PCDHAC2: variants seen among roughly 807,000 people sequenced by gnomAD.
The protein encoded by PCDHAC2 is protocadherin alpha subfamily C, 2.
A neutral mutation model predicts 63.3 loss-of-function variants in PCDHAC2; 24 were observed. The ratio of observed to expected loss-of-function variants is 0.38; its 90% confidence interval spans 0.27 to 0.53. PCDHAC2 has a LOEUF of 0.53. Ranked by LOEUF, PCDHAC2 falls within the 20% of genes least tolerant of loss-of-function variation. The probability of loss-of-function intolerance (pLI) is 0.81; values close to 1 mark genes in which losing one functional copy is unlikely to be tolerated. For missense variants in PCDHAC2, 1,181 were observed against 1,275.2 expected (o/e 0.93, Z 1.12); for synonymous variants, 569 against 529.4 (o/e 1.07, Z -1.03).
rs1305231081 is a variant in PCDHAC2 at position 141,010,857 on chromosome 5, G to A, written c.*920G>A. The A allele has an allele frequency of 6.5e-6, 1 of 153,732 alleles. No homozygotes were observed. The highest frequency in any genetic ancestry group is 2.4e-5 in the African/African-American group (1 of 41,448). 9.5% of individuals were successfully genotyped at this position (153,732 alleles called of 1,614,324 possible). ...ATAGATTTATTTAAAAAAAGAGAAAGTCTATAGCTATAAATCTTTAAAGAG... is the reference window on the plus strand; with the variant it reads ...ATAGATTTATTTAAAAAAAGAGAAAATCTATAGCTATAAATCTTTAAAGAG... On this transcript the variant is annotated 3_prime_UTR_variant, in exon 4 of 4. Transcript: ENST00000289269.
At chr5:141,005,114 G>A (rs2098198000) in intron 3 of PCDHAC2, among the ~76,000 whole-genome samples, 2 of 152,042 alleles carry the variant, frequency 1.3e-5, no homozygotes, top group African/African-American at 2.4e-5. Flanking sequence ...TTGTCTTTAG[G>A]GACCCCAAAA....
intron 3 of PCDHAC2, among the ~76,000 whole-genome samples, chr5:140,991,829 G>A (rs530610195): frequency 3.3e-5 from 5 of 152,196 alleles, no homozygotes; most frequent in South Asian, 2.1e-4. Flanking sequence ...CATTTATAAC[G>A]GCAGAACCGC....
chr5:141,000,418 T>TAA (rs2097924814), intron 3 of PCDHAC2, among the ~76,000 whole-genome samples: 1 of 83,682 alleles, frequency 1.2e-5, no homozygotes, highest in Non-Finnish European at 2.2e-5. Context: ...TATATATATA[T>TAA]ATATTTTTTT....
In PCDHAC2 at chr5:140,968,041, C is replaced by T. The variant is rs1554230247; in HGVS notation, c.1275C>T (p.Gly425=). 1 of 1,614,140 alleles carries T rather than the reference C, an allele frequency of 6.2e-7. No individual in the cohort carries two copies. Among genetic ancestry groups the T allele is most frequent in the Non-Finnish European group, 8.5e-7 (1 of 1,180,024 alleles). ...FGNSYTLVVS[G]PLDRERVAVY... ...ACTCCTATACACTGGTGGTGAGCGG[C>T]CCACTGGACCGAGAGCGGGTGGCTG... Residue 425 remains glycine (G), a synonymous_variant, in exon 1 of 4, where the codon GGC becomes GGT. Transcript: ENST00000289269.
At chr5:140,995,281 A>G (rs1159938577) in intron 3 of PCDHAC2, among the ~76,000 whole-genome samples, 1 of 152,144 alleles carries the variant, frequency 6.6e-6, no homozygotes. Context: ...TGATACCAAA[A>G]CAGCCAGTCG....
intron 1 of PCDHAC2, among the ~76,000 whole-genome samples, chr5:140,969,719 T>G (rs1448594057): frequency 7.9e-5 from 12 of 152,220 alleles, no homozygotes; most frequent in Non-Finnish European, 1.5e-4. Flanking sequence ...AGGGAAATTT[T>G]TCTTTTGAAA....
chr5:140,987,398 A>G (rs935672912), intron 3 of PCDHAC2, among the ~76,000 whole-genome samples: 4 of 152,140 alleles, frequency 2.6e-5, no homozygotes, highest in African/African-American at 9.7e-5. Context: ...CAAGGAAGCC[A>G]TCTGTTTATG....
chr5:140,982,634 T>C, intron 3 of PCDHAC2, 71 bp downstream of exon 3: 1 of 1,555,420 alleles, frequency 6.4e-7, no homozygotes, highest in Non-Finnish European at 8.7e-7. Flanking sequence ...TTTTGTAAGA[T>C]CAGGAATGTT....
At chr5:140,997,986 A>C (rs1554256110) in intron 3 of PCDHAC2, among the ~76,000 whole-genome samples, 2 of 152,186 alleles carry the variant, frequency 1.3e-5, no homozygotes, top group African/African-American at 4.8e-5. Flanking sequence ...CACTTGTTAC[A>C]TACTTCCCTC....
chr5:141,002,157 GGGC>G (rs797024683), intron 3 of PCDHAC2, among the ~76,000 whole-genome samples: 4 of 152,372 alleles, frequency 2.6e-5, no homozygotes, highest in African/African-American at 9.6e-5. Flanking sequence ...TTAGCAGAGT[GGGC>G]GGTAGGCAGG....
At chr5:140,976,566 A>C (rs2096723160) in intron 1 of PCDHAC2, among the ~76,000 whole-genome samples, 2 of 152,098 alleles carry the variant, frequency 1.3e-5, no homozygotes, top group African/African-American at 4.8e-5. Flanking sequence ...TAAATAAATA[A>C]ATATAAATAA....
In PCDHAC2 at chr5:140,966,854, C is replaced by T. The variant is rs1554228784; in HGVS notation, c.88C>T (p.Leu30=). 2 of 1,573,744 alleles carry T rather than the reference C, an allele frequency of 1.3e-6. No individual in the cohort carries two copies. The highest frequency in any genetic ancestry group is 1.8e-5 in the Admixed American group (1 of 54,978). ...MPWLLLLPLL[L]LLLLLLPGPA... The stretch of plus-strand genomic sequence containing the variant: ...CTGGCTGCTGCTACTGCCTCTCCTG[C>T]TGCTGTTGCTGCTGCTGCTACCTGG... Residue 30 remains leucine, a synonymous_variant, in exon 1 of 4, where the codon CTG becomes TTG. Coordinates refer to ENST00000289269, the MANE Select transcript of PCDHAC2 (RefSeq NM_018899.6).
intron 3 of PCDHAC2, among the ~76,000 whole-genome samples, chr5:141,000,481 G>A (rs1475922134): frequency 1.5e-5 from 2 of 133,428 alleles, no homozygotes; most frequent in African/African-American, 2.8e-5. Context: ...AAGCTGGAGT[G>A]CAATGGTAAG....
Position 140,968,952 on chromosome 5 carries a change from T to C in PCDHAC2, c.2186T>C (p.Ile729Thr). 1.2e-6 allele frequency: 2 copies of C among 1,614,192 alleles called. No individual in the cohort carries two copies. Among genetic ancestry groups the C allele is most frequent in the Non-Finnish European group, 1.7e-6 (2 of 1,180,038 alleles). Residue 729 changes from isoleucine to threonine, a missense_variant, in exon 1 of 4, where the codon ATC (isoleucine) becomes ACC (threonine). Ile to Thr is a moderately conservative substitution (Grantham distance 89). Transcript: ENST00000289269. Reference protein sequence around the residue: ...FLLTIIILSIIKCYRYTAYGT... With the variant: ...FLLTIIILSITKCYRYTAYGT... ...TTGACAATCATCATTTTGAGCATCA[T>C]CAAGTGCTACCGCTACACTGCGTAT... is the stretch of plus-strand genomic sequence containing the variant.
At chr5:140,989,837 T>C (rs1389244965) in intron 3 of PCDHAC2, among the ~76,000 whole-genome samples, 1 of 152,120 alleles carries the variant, frequency 6.6e-6, no homozygotes, top group African/African-American at 2.4e-5. Context: ...AGCCTGTCAA[T>C]GAGTGTGTGG....
chr5:140,978,802 T>C, intron 1 of PCDHAC2, 147 bp from the exon 2 acceptor site: 1 of 1,483,264 alleles, frequency 6.7e-7, no homozygotes, highest in Non-Finnish European at 9.0e-7. Flanking sequence ...TATGTAGATA[T>C]CATCATAGAG....
intron 1 of PCDHAC2, among the ~76,000 whole-genome samples, chr5:140,972,775 T>C (rs1277210789): frequency 6.6e-6 from 1 of 151,656 alleles, no homozygotes; most frequent in Non-Finnish European, 1.5e-5. Context: ...GTGATTCTTC[T>C]GCCTCAGCCT....
At position 140,968,982 on chromosome 5, in the gene PCDHAC2, C is replaced by G; in HGVS notation, c.2216C>G (p.Thr739Ser). The change falls in exon 1 of 4, where the codon ACT (threonine) becomes AGT (serine). Residue 739 changes from threonine to serine, a missense_variant. Thr to Ser is a moderately conservative substitution (Grantham distance 58). Around this residue, in one of 3 missense-constraint regions of PCDHAC2, gnomAD observed 968 missense variants for 1,073.5 expected, o/e 0.90. Coordinates refer to ENST00000289269, the MANE Select transcript of PCDHAC2 (RefSeq NM_018899.6). Reference protein sequence around the residue: ...IKCYRYTAYGTACCGGFCGVR... With the variant: ...IKCYRYTAYGSACCGGFCGVR... Reference sequence around the variant, plus strand: ...TGCTACCGCTACACTGCGTATGGCACTGCATGCTGTGGAGGCTTCTGTGGA... The same window carrying G: ...TGCTACCGCTACACTGCGTATGGCAGTGCATGCTGTGGAGGCTTCTGTGGA... 6.2e-7 allele frequency: 1 copy of G among 1,614,226 alleles called. No homozygotes were observed. The highest frequency in any genetic ancestry group is 8.5e-7 in the Non-Finnish European group (1 of 1,180,036).
chr5:141,001,324 C>G (rs1455380423), intron 3 of PCDHAC2, among the ~76,000 whole-genome samples: 2 of 152,154 alleles, frequency 1.3e-5, no homozygotes, highest in Non-Finnish European at 1.5e-5. Flanking sequence ...TGCCAAACAT[C>G]ACCATAATTT....
Sources: gnomAD v4.1 joint callset for allele counts (sites outside exome capture counted in the v4.1 genomes callset) on GRCh38, gnomAD v4.1.1 for gene constraint, gnomAD v4.1.1 regional missense constraint, MANE v1.5 for transcripts, NCBI Gene and HGNC (gene_info 2026-07-23, HGNC 2026-07-21) for gene names.